The following LSAMP variants were observed in gnomAD, a reference collection of about 807,000 sequenced individuals.
LSAMP encodes limbic system-associated membrane protein.
Under a neutral mutation model 38.6 loss-of-function variants are expected in LSAMP, and 7 were observed. That is an observed-to-expected ratio of 0.18 (90% confidence interval 0.10 to 0.34). LSAMP has a LOEUF of 0.34. LSAMP is among the 10% of genes least tolerant of loss of function. The pLI, the probability that LSAMP is intolerant of heterozygous loss-of-function variation, is 1.00. For synonymous variants in LSAMP, 154 were observed against 166.8 expected (o/e 0.92, Z 0.59); for missense variants, 313 against 420.0 (o/e 0.75, Z 2.23).
At chr3:115,910,635 G>C (rs906241288) in intron 3 of LSAMP, among the ~76,000 whole-genome samples, 2 of 152,152 alleles carry the variant, frequency 1.3e-5, no homozygotes, top group African/African-American at 4.8e-5. Context: ...TTAAGATACA[G>C]AATTTCCATC....
At chr3:115,948,346 T>A (rs183547436) in intron 3 of LSAMP, among the ~76,000 whole-genome samples, 67 of 152,260 alleles carry the variant, frequency 4.4e-4, no homozygotes, top group Admixed American at 2.6e-3. Flanking sequence ...CATTAGCACA[T>A]GGAACATTCT....
At chr3:116,313,405 G>A (rs2047584365) in intron 1 of LSAMP, among the ~76,000 whole-genome samples, 1 of 152,198 alleles carries the variant, frequency 6.6e-6, no homozygotes, top group South Asian at 2.1e-4. Context: ...GACCCCGTAT[G>A]GATGTGATGG....
intron 6 of LSAMP, among the ~76,000 whole-genome samples, chr3:115,815,488 A>G (rs1933989309): frequency 6.6e-6 from 1 of 152,178 alleles, no homozygotes; most frequent in South Asian, 2.1e-4. Flanking sequence ...ATAAAGCGAG[A>G]TTTTGGTAAT....
chr3:116,085,695 C>T (rs1185917416), intron 2 of LSAMP, among the ~76,000 whole-genome samples: 2 of 152,120 alleles, frequency 1.3e-5, no homozygotes, highest in Non-Finnish European at 2.9e-5. Flanking sequence ...TCCTGTAAAA[C>T]GATGACTCAG....
At chr3:116,391,415 C>T (rs2048695114) in intron 1 of LSAMP, among the ~76,000 whole-genome samples, 1 of 152,184 alleles carries the variant, frequency 6.6e-6, no homozygotes, top group Admixed American at 6.5e-5. Context: ...CCCTGCATCG[C>T]CACTCTCGCC....
At chr3:116,441,958 G>A (rs753231073) in intron 1 of LSAMP, among the ~76,000 whole-genome samples, 1 of 152,072 alleles carries the variant, frequency 6.6e-6, no homozygotes, top group Non-Finnish European at 1.5e-5. Flanking sequence ...TCTCACACAG[G>A]TCTGTAATCT....
chr3:116,157,091 A>G (rs2107533467), intron 1 of LSAMP, among the ~76,000 whole-genome samples: 1 of 152,206 alleles, frequency 6.6e-6, no homozygotes, highest in South Asian at 2.1e-4. Flanking sequence ...TATTAGAATC[A>G]CCTGGGGGAA....
intron 1 of LSAMP, among the ~76,000 whole-genome samples, chr3:116,150,061 A>G (rs989196670): frequency 6.6e-6 from 1 of 152,116 alleles, no homozygotes; most frequent in Non-Finnish European, 1.5e-5. Context: ...AACAGAATGT[A>G]CAAAGCTGAT....
At chr3:115,867,235 C>A (rs747526399) in intron 3 of LSAMP, among the ~76,000 whole-genome samples, 1 of 151,650 alleles carries the variant, frequency 6.6e-6, no homozygotes, top group Admixed American at 6.6e-5. Flanking sequence ...GAGCAGGAGG[C>A]CTTGGAATAT....
chr3:116,034,766 C>G (rs926921074), intron 2 of LSAMP, among the ~76,000 whole-genome samples: 2 of 152,146 alleles, frequency 1.3e-5, no homozygotes, highest in Admixed American at 6.6e-5. Context: ...TGCCCTTCCT[C>G]TAATGATTAC....
chr3:115,992,353 C>T (rs1429936362), intron 3 of LSAMP, among the ~76,000 whole-genome samples: 1 of 151,920 alleles, frequency 6.6e-6, no homozygotes, highest in Non-Finnish European at 1.5e-5. Flanking sequence ...TACTCTCCTC[C>T]TCCAGGTCAA....
chr3:115,998,006 A>G (rs1249124692), intron 3 of LSAMP, among the ~76,000 whole-genome samples: 3 of 150,122 alleles, frequency 2.0e-5, no homozygotes, highest in African/African-American at 4.9e-5. Flanking sequence ...TTTTCTGTGC[A>G]TTGTAATTTC....
intron 1 of LSAMP, among the ~76,000 whole-genome samples, chr3:116,117,702 T>A (rs779116141): frequency 6.6e-6 from 1 of 152,210 alleles, no homozygotes; most frequent in East Asian, 1.9e-4. Context: ...GCATGTCTAT[T>A]TAATGATATT....
intron 3 of LSAMP, among the ~76,000 whole-genome samples, chr3:115,949,671 A>G (rs1003027273): frequency 6.6e-6 from 1 of 152,104 alleles, no homozygotes; most frequent in Non-Finnish European, 1.5e-5. Flanking sequence ...AAGAATTAAT[A>G]CTAATTTCAT....
At chr3:116,012,889 A>G (rs1940371920) in intron 3 of LSAMP, among the ~76,000 whole-genome samples, 1 of 152,224 alleles carries the variant, frequency 6.6e-6, no homozygotes, top group African/African-American at 2.4e-5. Context: ...ATAATATATG[A>G]TACGTATTCT....
intron 2 of LSAMP, among the ~76,000 whole-genome samples, chr3:116,079,522 G>A (rs138577049): frequency 0.024 from 3,701 of 151,282 alleles, 53 homozygotes; most frequent in Middle Eastern, 0.096. Context: ...GCATGGTGGC[G>A]CACGCCTGTA....
intron 1 of LSAMP, among the ~76,000 whole-genome samples, chr3:116,225,949 T>C (rs536020201): frequency 6.6e-6 from 1 of 152,324 alleles, no homozygotes; most frequent in South Asian, 2.1e-4. Flanking sequence ...CTCTACACCT[T>C]GTATTGGCTC....
chr3:116,360,360 G>A (rs1225011070), intron 1 of LSAMP, among the ~76,000 whole-genome samples: 2 of 33,948 alleles, frequency 5.9e-5, no homozygotes, highest in Non-Finnish European at 1.1e-4. Context: ...AGGGTCCTAC[G>A]CCCACGGAAT....
At chr3:115,923,509 T>C (rs1354780960) in intron 3 of LSAMP, among the ~76,000 whole-genome samples, 1 of 152,364 alleles carries the variant, frequency 6.6e-6, no homozygotes, top group East Asian at 1.9e-4. Context: ...CAAGGACTGG[T>C]ACTTCCTATT....
Sources: allele counts gnomAD v4.1 joint callset (sites outside exome capture counted in the v4.1 genomes callset), GRCh38; gene constraint gnomAD v4.1.1; transcripts MANE v1.5; gene names NCBI Gene and HGNC (gene_info 2026-07-23, HGNC 2026-07-21).